MCCC1: variants seen among roughly 807,000 people sequenced by gnomAD.
MCCC1 encodes methylcrotonoyl-CoA carboxylase subunit alpha, mitochondrial.
MCCC1 carries 64 observed loss-of-function variants against 83.8 expected under a neutral mutation model. That is an observed-to-expected ratio of 0.76 (90% CI 0.62 to 0.94). The LOEUF (loss-of-function observed/expected upper bound fraction) is 0.94, where lower values mean the gene tolerates loss of function less well. MCCC1 is among the 40% of genes least tolerant of loss of function. MCCC1 has a pLI of 0.00. For synonymous variants in MCCC1, 322 were observed against 315.4 expected (o/e 1.02, Z -0.22); for missense variants, 807 against 904.7 (o/e 0.89, Z 1.39).
chr3:183,030,783 T>C (rs964531425), intron 14 of MCCC1, among the ~76,000 whole-genome samples: 1 of 152,162 alleles, frequency 6.6e-6, no homozygotes, highest in African/African-American at 2.4e-5. Context: ...CTTCTCCACA[T>C]CACTTGGCAT....
At chr3:183,098,052 C>A (rs1718869841) in intron 1 of MCCC1, among the ~76,000 whole-genome samples, 1 of 152,164 alleles carries the variant, frequency 6.6e-6, no homozygotes, top group Non-Finnish European at 1.5e-5. Flanking sequence ...GTAGCTGGGA[C>A]TAACAGGCGG....
At chr3:183,056,216 A>T (rs1351088300) in intron 8 of MCCC1, among the ~76,000 whole-genome samples, 2 of 152,214 alleles carry the variant, frequency 1.3e-5, no homozygotes, top group African/African-American at 4.8e-5. Flanking sequence ...GGTATAATAT[A>T]TAATGTTATA....
chr3:183,069,648 A>T (rs1716510027), intron 7 of MCCC1, among the ~76,000 whole-genome samples: 1 of 152,192 alleles, frequency 6.6e-6, no homozygotes, highest in Non-Finnish European at 1.5e-5. Flanking sequence ...AATGTCAAAG[A>T]AGGGCCTGAA....
At chr3:183,043,163 G>A (rs773994324) in intron 10 of MCCC1, among the ~76,000 whole-genome samples, 1 of 152,224 alleles carries the variant, frequency 6.6e-6, no homozygotes, top group Non-Finnish European at 1.5e-5. Flanking sequence ...GGTGGCACAC[G>A]CCTGTAATCC....
intron 3 of MCCC1, among the ~76,000 whole-genome samples, chr3:183,088,198 T>C (rs1278159777): frequency 6.6e-6 from 1 of 150,770 alleles, no homozygotes; most frequent in Non-Finnish European, 1.5e-5. Context: ...GTTGTTGTTG[T>C]TGTTGTTGTG....
rs1355381057 is a variant in MCCC1 at position 183,099,402 on chromosome 3, C to T, written c.39G>A (p.Ala13=). ...GACGATGCCACCGGTTCCTCTCCGC[C>T]GCCACCAGCAGCACCGACACCGCAG... ...AASAVSVLLV[A]AERNRWHRLP... is the part of the protein sequence containing the mutation. The change falls in exon 1 of 19, where the codon GCG becomes GCA. Residue 13 remains alanine, a synonymous_variant. Coordinates refer to ENST00000265594, the MANE Select transcript of MCCC1 (RefSeq NM_020166.5). 3 of 1,606,500 alleles carry T rather than the reference C, an allele frequency of 1.9e-6. No individual in the cohort carries two copies. The highest frequency in any genetic ancestry group is 2.2e-5 in the East Asian group (1 of 44,514).
intron 14 of MCCC1, chr3:183,028,992 T>C (rs927743387): frequency 2.0e-5 from 3 of 152,232 alleles, no homozygotes; most frequent in African/African-American, 7.2e-5. Flanking sequence ...AATTAAGGTA[T>C]ATACATTGTT....
rs564967049 is a variant in MCCC1, at chr3:183,062,574, C to T, written c.762-5152G>A. On this transcript the variant is annotated intron_variant, in intron 7 of 18. Coordinates refer to ENST00000265594, the MANE Select transcript of MCCC1 (RefSeq NM_020166.5). ...TTCACCGTGTTGCCCAGGCTGGTCT[C>T]GAACTCCTGAGCTCAGGCAATCTGC... is the stretch of plus-strand genomic sequence containing the variant. Among the ~76,000 whole-genome samples, 186 of 152,160 alleles carry T rather than the reference C, an allele frequency of 1.2e-3. 1 individual carries two copies. Among genetic ancestry groups the T allele is most frequent in the Non-Finnish European group, 8.2e-4 (56 of 67,984 alleles).
intron 4 of MCCC1, among the ~76,000 whole-genome samples, chr3:183,078,183 C>A (rs947147753): frequency 6.6e-6 from 1 of 152,082 alleles, no homozygotes; most frequent in Non-Finnish European, 1.5e-5. Flanking sequence ...CCATGCCTGG[C>A]TAATTTTTGT....
chr3:183,022,453 C>T lies in MCCC1; in HGVS notation c.1833G>A (p.Leu611=), dbSNP rs747354023. 1.9e-6 allele frequency: 3 copies of T among 1,614,168 alleles called. No individual in the cohort carries two copies. In the South Asian group the frequency reaches 3.3e-5, roughly 18 times the overall value. ...SVNGVASKAK[L]IILENTIYLF... ...GGTAAATAGTGTTTTCCAGGATAAT[C>T]AGCTTCGCTTTACTAGCAACTCCAT... The change falls in exon 16 of 19, where the codon CTG becomes CTA. Residue 611 remains leucine (L), a synonymous_variant. Transcript: ENST00000265594.
chr3:183,054,249 G>C (rs537086294), intron 8 of MCCC1, among the ~76,000 whole-genome samples: 1 of 148,522 alleles, frequency 6.7e-6, no homozygotes, highest in Admixed American at 6.8e-5. Context: ...GCAGTGGCGC[G>C]ATCTCGGCTC....
At chr3:183,083,662 G>A (rs1447641547) in intron 4 of MCCC1, among the ~76,000 whole-genome samples, 1 of 152,054 alleles carries the variant, frequency 6.6e-6, no homozygotes, top group Non-Finnish European at 1.5e-5. Context: ...CCTGGAATTA[G>A]CATATCATAC....
intron 9 of MCCC1, among the ~76,000 whole-genome samples, chr3:183,051,597 T>A (rs926386218): frequency 6.6e-6 from 1 of 152,190 alleles, no homozygotes; most frequent in Non-Finnish European, 1.5e-5. Flanking sequence ...GGTGGATACA[T>A]ATCATTATAC....
chr3:183,114,201 A>C (rs1421335042), intron 1 of MCCC1, among the ~76,000 whole-genome samples: 1 of 152,188 alleles, frequency 6.6e-6, no homozygotes, highest in African/African-American at 2.4e-5. Flanking sequence ...AATAGTCTTA[A>C]AGCCCCTGCA....
In MCCC1 at chr3:183,022,466, C is replaced by T. The variant is rs769931491; in HGVS notation, c.1820G>A (p.Ser607Asn). Residue 607 changes from serine to asparagine, a missense_variant, in exon 16 of 19, where the codon AGT becomes AAT. Physicochemically the swap from Ser to Asn is conservative, Grantham distance 46. Transcript: ENST00000265594. ...YLKCSVNGVA[S>N]KAKLIILENT... The stretch of plus-strand genomic sequence containing the variant: ...TTCCAGGATAATCAGCTTCGCTTTA[C>T]TAGCAACTCCATTAACAGAACATTT... 1.2e-5 allele frequency: 19 copies of T among 1,613,988 alleles called. No individual in the cohort carries two copies. In the African/African-American group the frequency reaches 2.5e-4, roughly 22 times the overall value.
At chr3:183,082,784 C>G (rs958515110) in intron 4 of MCCC1, among the ~76,000 whole-genome samples, 2 of 152,102 alleles carry the variant, frequency 1.3e-5, no homozygotes, top group Non-Finnish European at 2.9e-5. Context: ...TTGAGACCAG[C>G]CTGGGAAACA....
At chr3:183,107,320 A>G (rs1342389632) in intron 1 of MCCC1, among the ~76,000 whole-genome samples, 1 of 151,762 alleles carries the variant, frequency 6.6e-6, no homozygotes, top group Non-Finnish European at 1.5e-5. Context: ...GGGCAGGAGA[A>G]TCGCTTGAAC....
intron 9 of MCCC1, among the ~76,000 whole-genome samples, chr3:183,049,801 A>C (rs2108493113): frequency 6.6e-6 from 1 of 152,274 alleles, no homozygotes; most frequent in East Asian, 1.9e-4. Context: ...CAAAGACACA[A>C]TCTGTCAAAA....
rs534786125 is a variant in MCCC1 at position 183,046,459 on chromosome 3, G to A, written c.956-919C>T. ...GTCATCCAGGCTGGGGTGCAATGGC[G>A]TGATCTTGGCTCACTGCAACCTCTG... On this transcript the variant is annotated intron_variant, in intron 9 of 18. Transcript: ENST00000265594. Among the ~76,000 whole-genome samples, 17 of 151,136 alleles carry A rather than the reference G, an allele frequency of 1.1e-4. No individual in the cohort carries two copies. In the South Asian group the frequency reaches 3.3e-3, roughly 30 times the overall value.
Sources: gnomAD v4.1 joint callset for allele counts (sites outside exome capture counted in the v4.1 genomes callset) on GRCh38, gnomAD v4.1.1 for gene constraint, MANE v1.5 for transcripts, NCBI Gene and HGNC (gene_info 2026-07-23, HGNC 2026-07-21) for gene names.